The following RALYL variants were observed in gnomAD, a reference collection of about 807,000 sequenced individuals.
RALYL encodes RALY RNA binding protein like.
A neutral mutation model predicts 35.1 loss-of-function variants in RALYL; 29 were observed. The observed-to-expected ratio is 0.83, with a 90% CI of 0.61 to 1.13. RALYL has a LOEUF of 1.13. Ranked by LOEUF, RALYL falls within the 50% of genes most tolerant of loss-of-function variation. RALYL has a pLI of 0.00. For missense variants in RALYL, 359 were observed against 360.4 expected, an observed-to-expected ratio of 1.00 and a Z score of 0.03; for synonymous variants, 120 against 127.6, an observed-to-expected ratio of 0.94 and a Z score of 0.40.
At chr8:84,252,405 G>A (rs1830367938) in intron 1 of RALYL, among the ~76,000 whole-genome samples, 2 of 151,902 alleles carry the variant, frequency 1.3e-5, no homozygotes, top group Admixed American at 6.6e-5. Flanking sequence ...ATAAACTAGA[G>A]GTTAAAGAAA....
At chr8:84,468,392 T>C (rs1444861116) in intron 1 of RALYL, among the ~76,000 whole-genome samples, 1 of 151,704 alleles carries the variant, frequency 6.6e-6, no homozygotes, top group Non-Finnish European at 1.5e-5. Context: ...TTATTTCTCC[T>C]TCACTTATGA....
rs374883087 is a variant in RALYL, at chr8:84,403,921, A to T, written c.-23-125378A>T. On this transcript the variant is annotated intron_variant, in intron 1 of 8. Coordinates refer to ENST00000521268, the MANE Select transcript of RALYL (RefSeq NM_173848.7). ...TCCACTGTAAGTTGTATTCCTAGGT[A>T]TTTTATTCTCTTTGTAGCAATTGTG... Among the ~76,000 whole-genome samples, 228 of 151,728 alleles carry T rather than the reference A, an allele frequency of 1.5e-3. 2 individuals are homozygous for T. Among genetic ancestry groups the T allele is most frequent in the African/African-American group, 4.5e-3 (185 of 41,354 alleles).
chr8:84,821,446 T>A lies in RALYL; in HGVS notation c.365+16644T>A, dbSNP rs533949710. Among the ~76,000 whole-genome samples, 6 of 152,332 alleles carry A rather than the reference T, an allele frequency of 3.9e-5. No individual in the cohort carries two copies. In the South Asian group the frequency reaches 1.2e-3, roughly 32 times the overall value. On this transcript the variant is annotated intron_variant, in intron 4 of 8. Coordinates refer to ENST00000521268, the MANE Select transcript of RALYL (RefSeq NM_173848.7). ...ACCTCATGTTTTCTTCTGAGTTTCATCTGCACTTGAATGTCTAAATAATAG... is the reference window on the plus strand; with the variant it reads ...ACCTCATGTTTTCTTCTGAGTTTCAACTGCACTTGAATGTCTAAATAATAG...
intron 2 of RALYL, among the ~76,000 whole-genome samples, chr8:84,562,039 C>A (rs2061497366): frequency 6.6e-6 from 1 of 151,940 alleles, no homozygotes; most frequent in South Asian, 2.1e-4. Flanking sequence ...CATTTCACAG[C>A]TGAGCAAGCC....
chr8:84,249,517 T>C (rs1829767817), intron 1 of RALYL, among the ~76,000 whole-genome samples: 1 of 152,162 alleles, frequency 6.6e-6, no homozygotes, highest in South Asian at 2.1e-4. Flanking sequence ...AAATAAGTGA[T>C]TCTTTTAACT....
intron 4 of RALYL, among the ~76,000 whole-genome samples, chr8:84,836,333 T>C (rs985705695): frequency 1.3e-5 from 2 of 152,198 alleles, no homozygotes; most frequent in Admixed American, 1.3e-4. Context: ...GTGGATTATT[T>C]TAATCTTTAG....
At chr8:84,536,151 C>A (rs1564103704) in intron 2 of RALYL, among the ~76,000 whole-genome samples, 1 of 152,132 alleles carries the variant, frequency 6.6e-6, no homozygotes, top group African/African-American at 2.4e-5. Context: ...CTCTTCACAT[C>A]TTTAATACAC....
chr8:84,738,089 G>A (rs1847646147), intron 2 of RALYL, among the ~76,000 whole-genome samples: 1 of 152,012 alleles, frequency 6.6e-6, no homozygotes. Context: ...ATTCAGATAA[G>A]TAAGTCAATG....
At chr8:84,339,686 T>C (rs1004202503) in intron 1 of RALYL, among the ~76,000 whole-genome samples, 5 of 151,576 alleles carry the variant, frequency 3.3e-5, no homozygotes, top group African/African-American at 1.2e-4. Flanking sequence ...CCAGTCCCTG[T>C]TACAAAAAAG....
chr8:84,896,589 T>A (rs1359550539), intron 8 of RALYL, among the ~76,000 whole-genome samples: 1 of 152,160 alleles, frequency 6.6e-6, no homozygotes, highest in Non-Finnish European at 1.5e-5. Context: ...CTCTCTGATC[T>A]GGCTCCTAGT....
chr8:84,632,531 C>CA (rs1824136466), intron 2 of RALYL, among the ~76,000 whole-genome samples: 2 of 151,252 alleles, frequency 1.3e-5, no homozygotes, highest in East Asian at 1.9e-4. Context: ...TCATATCCTA[C>CA]AAAAAAATAA....
At chr8:84,449,141 A>G (rs1587369687) in intron 1 of RALYL, among the ~76,000 whole-genome samples, 1 of 151,862 alleles carries the variant, frequency 6.6e-6, no homozygotes, top group African/African-American at 2.4e-5. Context: ...ACATTAAAAA[A>G]TAAGTCCTTA....
At chr8:84,439,497 C>G (rs892536040) in intron 1 of RALYL, among the ~76,000 whole-genome samples, 4 of 152,004 alleles carry the variant, frequency 2.6e-5, no homozygotes, top group Non-Finnish European at 5.9e-5. Flanking sequence ...TGTATTTTGT[C>G]TAATATAAGC....
chr8:84,445,871 G>A (rs1457671325), intron 1 of RALYL, among the ~76,000 whole-genome samples: 1 of 151,156 alleles, frequency 6.6e-6, no homozygotes, highest in Non-Finnish European at 1.5e-5. Context: ...ATATAATAAT[G>A]TAATAGTATT....
chr8:84,872,794 A>C (rs1221216782), intron 6 of RALYL: 1 of 152,318 alleles, frequency 6.6e-6, no homozygotes, highest in Non-Finnish European at 1.5e-5. Context: ...GTTTTCTCAC[A>C]TCTAAGACAT....
chr8:84,647,011 T>C (rs1394333480), intron 2 of RALYL, among the ~76,000 whole-genome samples: 1 of 152,090 alleles, frequency 6.6e-6, no homozygotes, highest in Non-Finnish European at 1.5e-5. Flanking sequence ...ATGGAAATAC[T>C]TCCTAGTGCT....
chr8:84,727,666 C>G lies in RALYL; in HGVS notation c.257-46913C>G, dbSNP rs747006204. Among the ~76,000 whole-genome samples the G allele has an allele frequency of 2.8e-5, 4 of 142,752 alleles. No homozygotes were observed. The Admixed American group carries it at 3.0e-4, about 11-fold the overall frequency. The allele number at this position is 142,752 out of a possible 152,430, so 93.7% of individuals were successfully genotyped here. ...GTCCCCAGAGTGTGATGTTCCCCTT[C>G]CTGTGTCCATGTGTTCTCATTGTTC... On this transcript the variant is annotated intron_variant, in intron 2 of 8. Transcript: ENST00000521268.
chr8:84,267,680 C>A (rs1461528063), intron 1 of RALYL, among the ~76,000 whole-genome samples: 2 of 152,030 alleles, frequency 1.3e-5, no homozygotes, highest in Non-Finnish European at 2.9e-5. Context: ...TTCAGCAGAC[C>A]CAGAGAACTA....
At chr8:84,748,880 T>C (rs1809273164) in intron 2 of RALYL, among the ~76,000 whole-genome samples, 1 of 152,072 alleles carries the variant, frequency 6.6e-6, no homozygotes, top group South Asian at 2.1e-4. Flanking sequence ...CATTTCCCCA[T>C]CTTCTCTTGT....
Sources: gnomAD v4.1 joint callset for allele counts (sites outside exome capture counted in the v4.1 genomes callset) on GRCh38, gnomAD v4.1.1 for gene constraint, MANE v1.5 for transcripts, NCBI Gene and HGNC (gene_info 2026-07-23, HGNC 2026-07-21) for gene names.